TTC6: variants seen among roughly 807,000 people sequenced by gnomAD.
TTC6 encodes tetratricopeptide repeat domain 6.
In TTC6, 172 loss-of-function variants were observed where a neutral mutation model predicts 210.4. That is an observed-to-expected ratio of 0.82 (90% CI 0.72 to 0.93). The LOEUF is 0.93. TTC6 is among the 40% of genes least tolerant of loss of function. The probability of loss-of-function intolerance (pLI) is 0.00; values close to 1 mark genes in which losing one functional copy is unlikely to be tolerated. For synonymous variants in TTC6, 804 were observed against 819.6 expected (o/e 0.98, Z 0.32); for missense variants, 2,414 against 2,318.1 (o/e 1.04, Z -0.85).
At chr14:37,751,926 C>T (rs1384588599) in intron 13 of TTC6, among the ~76,000 whole-genome samples, 1 of 150,928 alleles carries the variant, frequency 6.6e-6, no homozygotes, top group African/African-American at 2.4e-5. Flanking sequence ...GGGATTCACG[C>T]CATTCTCCTG....
At chr14:37,640,253 T>G (rs986393141) in intron 1 of TTC6, among the ~76,000 whole-genome samples, 2 of 152,134 alleles carry the variant, frequency 1.3e-5, no homozygotes, top group African/African-American at 2.4e-5. Context: ...ATGATTTTTT[T>G]TTTGCTTGTT....
chr14:37,622,418 G>A, exon 1 of TTC6: 1 of 1,534,850 alleles, frequency 6.5e-7, no homozygotes, highest in Non-Finnish European at 8.7e-7. Flanking sequence ...TTCGCCCCCG[G>A]GACTTTTACT....
intron 10 of TTC6, among the ~76,000 whole-genome samples, chr14:37,742,193 CT>C (rs1386563303): frequency 1.3e-5 from 2 of 152,150 alleles, no homozygotes; most frequent in Non-Finnish European, 2.9e-5. Flanking sequence ...CTGAATGCAT[CT>C]TCTTGTGCCC....
intron 3 of TTC6, among the ~76,000 whole-genome samples, chr14:37,685,564 A>C (rs2095792059): frequency 6.6e-6 from 1 of 152,230 alleles, no homozygotes; most frequent in East Asian, 1.9e-4. Context: ...TTGAGGTTTT[A>C]AATAAACAGA....
chr14:37,795,753 A>G (rs1338778297), intron 18 of TTC6, among the ~76,000 whole-genome samples: 2 of 152,156 alleles, frequency 1.3e-5, no homozygotes, highest in Non-Finnish European at 2.9e-5. Flanking sequence ...GAAGTGACAT[A>G]CTGAATTGTA....
exon 1 of TTC6, chr14:37,622,481 C>A (rs1316707932): frequency 6.5e-7 from 1 of 1,535,252 alleles, no homozygotes; most frequent in African/African-American, 1.4e-5. Context: ...CCCCAGTCAT[C>A]GCCTCGGGGT....
chr14:37,797,332 G>C (rs2096095029), intron 20 of TTC6, among the ~76,000 whole-genome samples: 1 of 151,998 alleles, frequency 6.6e-6, no homozygotes, highest in Non-Finnish European at 1.5e-5. Flanking sequence ...TACAATAATT[G>C]ATATTGTTAG....
exon 27 of TTC6, chr14:37,823,892 C>G: frequency 6.2e-7 from 1 of 1,613,954 alleles, no homozygotes; most frequent in Non-Finnish European, 8.5e-7. Context: ...GAAAGACTTT[C>G]TGAAAGCACT....
intron 1 of TTC6, among the ~76,000 whole-genome samples, chr14:37,640,089 A>C (rs1276574989): frequency 2.0e-5 from 3 of 152,040 alleles, no homozygotes; most frequent in African/African-American, 7.2e-5. Context: ...CTTCAAAATA[A>C]ACTTATTCTT....
rs116073940 is a variant in TTC6, at chr14:37,714,766, C to G, written c.1683C>G (p.His561Gln). Residue 561 changes from histidine (H) to glutamine (Q), a missense_variant, in exon 6 of 31, where the codon CAC becomes CAG. Transcript: ENST00000553443. The stretch of plus-strand genomic sequence containing the variant: ...CACAAGGAACTAGAGAGCGTGCTCA[C>G]AAACCACACTTGGAAGTCTTGGGAG... 611 of 1,535,472 alleles carry G rather than the reference C, an allele frequency of 4.0e-4. 6 individuals are homozygous for G. The African/African-American group carries it at 7.7e-3, about 19-fold the overall frequency.
At position 37,598,663 on chromosome 14, in the gene TTC6, G is replaced by C. The variant is rs1180529032; in HGVS notation, c.-235+2655G>C. On this transcript the variant is annotated intron_variant, in intron 1 of 2. Coordinates refer to the TTC6 transcript ENST00000556845. The surrounding 1 kb of genome is among the most constrained non-coding windows in gnomAD (Gnocchi z 4.9). ...AGGTGGAAGGAGAGGCCGCGGCCTC[G>C]GGCCTCGGGCCCCGGGCCCAGACGG... Among the ~76,000 whole-genome samples the C allele has an allele frequency of 1.3e-5, 2 of 152,130 alleles. No homozygotes were observed. The highest frequency in any genetic ancestry group is 2.9e-5 in the Non-Finnish European group (2 of 68,012).
chr14:37,601,060 T>C (rs1382093124), intron 1 of TTC6, among the ~76,000 whole-genome samples: 1 of 152,168 alleles, frequency 6.6e-6, no homozygotes, highest in Admixed American at 6.5e-5. Flanking sequence ...TTTCTGAATG[T>C]TGTAATTTTG....
chr14:37,616,852 C>T (rs12893402), intron 2 of TTC6, among the ~76,000 whole-genome samples: 8,462 of 151,836 alleles, frequency 0.056, 357 homozygotes, highest in Non-Finnish European at 0.087. Context: ...AACATACACA[C>T]GCATCATTTT....
intron 22 of TTC6, among the ~76,000 whole-genome samples, chr14:37,806,991 A>C (rs1328962105): frequency 6.6e-6 from 1 of 152,098 alleles, no homozygotes; most frequent in Non-Finnish European, 1.5e-5. Flanking sequence ...TATGTACGAG[A>C]ATGTCTTTTT....
chr14:37,622,682 C>T (rs1269064941), exon 1 of TTC6: 1 of 1,535,154 alleles, frequency 6.5e-7, no homozygotes, highest in Non-Finnish European at 8.7e-7. Context: ...GGAAGGCCAG[C>T]TCCGTCTCCG....
At chr14:37,603,952 A>G (rs896513177) in intron 1 of TTC6, among the ~76,000 whole-genome samples, 3 of 152,188 alleles carry the variant, frequency 2.0e-5, no homozygotes, top group Non-Finnish European at 4.4e-5. Context: ...CCCACCTCAT[A>G]CCAGTTGAGT....
intron 14 of TTC6, among the ~76,000 whole-genome samples, chr14:37,763,660 C>T (rs778635721): frequency 1.3e-5 from 2 of 151,986 alleles, no homozygotes; most frequent in Non-Finnish European, 2.9e-5. Context: ...AATGTTCACA[C>T]TTTCATTTCT....
chr14:37,679,716 G>A (rs1158868537), intron 1 of TTC6, among the ~76,000 whole-genome samples: 3 of 152,022 alleles, frequency 2.0e-5, no homozygotes, highest in Non-Finnish European at 4.4e-5. Context: ...ATTAAACAGA[G>A]TTTCCCTCTT....
chr14:37,691,823 CCAAA>C (rs2095804083), intron 3 of TTC6, among the ~76,000 whole-genome samples: 2 of 151,814 alleles, frequency 1.3e-5, no homozygotes, highest in South Asian at 2.1e-4. Context: ...GACAGAAGAT[CCAAA>C]CAAATAAACT....
Sources: allele counts gnomAD v4.1 joint callset (sites outside exome capture counted in the v4.1 genomes callset), GRCh38; gene constraint gnomAD v4.1.1; non-coding constraint Gnocchi (gnomAD v3.1); transcripts MANE v1.5; gene names NCBI Gene and HGNC (gene_info 2026-07-23, HGNC 2026-07-21).